Variants in ATL1 observed in about 807,000 individuals in gnomAD.
ATL1 encodes the protein atlastin-1.
ATL1 carries 31 observed loss-of-function variants against 75.5 expected under a neutral mutation model. That is an observed-to-expected ratio of 0.41 (90% CI 0.31 to 0.55). The LOEUF (loss-of-function observed/expected upper bound fraction) is 0.55, where lower values mean the gene tolerates loss of function less well. ATL1 is among the 20% of genes least tolerant of loss of function. The probability of loss-of-function intolerance (pLI) is 0.27; values close to 1 mark genes in which losing one functional copy is unlikely to be tolerated. For missense variants in ATL1, 405 were observed against 662.6 expected, an observed-to-expected ratio of 0.61 and a Z score of 4.27; for synonymous variants, 226 against 233.3, an observed-to-expected ratio of 0.97 and a Z score of 0.28.
At chr14:50,608,510 C>T (rs915433997) in intron 6 of ATL1, among the ~76,000 whole-genome samples, 1 of 151,984 alleles carries the variant, frequency 6.6e-6, no homozygotes, top group African/African-American at 2.4e-5. Context: ...TTTATCAGCA[C>T]ATCACTGGAT....
intron 1 of ATL1, among the ~76,000 whole-genome samples, chr14:50,539,021 T>G (rs2038528684): frequency 6.6e-6 from 1 of 152,202 alleles, no homozygotes; most frequent in African/African-American, 2.4e-5. Context: ...TATATTCTCT[T>G]TCTGTGCTTT....
At chr14:50,623,156 T>C (rs2039483918) in intron 10 of ATL1, 21 bp from the exon 11 acceptor site, 3 of 1,609,782 alleles carry the variant, frequency 1.9e-6, no homozygotes, top group Non-Finnish European at 2.5e-6. Flanking sequence ...TTTTACATCA[T>C]ATTTTGTACT....
Position 50,593,125 on chromosome 14 carries a change from T to C in ATL1, c.523-721T>C, listed in dbSNP as rs142065793. On this transcript the variant is annotated intron_variant, in intron 4 of 13. Coordinates refer to ENST00000358385, the MANE Select transcript of ATL1 (RefSeq NM_015915.5). Reference sequence around the variant, plus strand: ...CTTATACAAGCCTATTTAAACCAGATTGACTTTGCCTTATCAGTATTACTC... The same window carrying C: ...CTTATACAAGCCTATTTAAACCAGACTGACTTTGCCTTATCAGTATTACTC... Among the ~76,000 whole-genome samples, 314 of 151,924 alleles carry C rather than the reference T, an allele frequency of 2.1e-3. 1 individual carries two copies. The highest frequency in any genetic ancestry group is 3.6e-3 in the Non-Finnish European group (243 of 67,920).
rs185408710 is a variant in ATL1 at position 50,535,870 on chromosome 14, A to G, written c.-140+2503A>G. On this transcript the variant is annotated intron_variant, in intron 1 of 13. Transcript: ENST00000441560. ...CCACGTGTTGTGGGAGGGACCAGGT[A>G]GGAGGTAATGAATCATGAGGGCAAG... Among the ~76,000 whole-genome samples, 56 of 152,262 alleles carry G rather than the reference A, an allele frequency of 3.7e-4. No individual in the cohort carries two copies. In the East Asian group the frequency reaches 0.011, roughly 29 times the overall value.
In ATL1 at chr14:50,628,167, A is replaced by T. The variant is rs752641587; in HGVS notation, c.1256A>T (p.Gln419Leu). 1 of 1,614,236 alleles carries T rather than the reference A, an allele frequency of 6.2e-7. No homozygotes were observed. The change falls in exon 12 of 14, where the codon CAG becomes CTG. Residue 419 changes from glutamine (Q) to leucine (L), a missense_variant. Around this residue, in one of 5 missense-constraint regions of ATL1, gnomAD observed 163 missense variants for 244.1 expected, o/e 0.67. Coordinates refer to ENST00000358385, the MANE Select transcript of ATL1 (RefSeq NM_015915.5). ...GAAGAATTTAGCCGGCGTTACCTGC[A>T]GCAGTTGGAGAGTGAAATAGATGAA... Reference protein sequence around the residue: ...GGEEFSRRYLQQLESEIDELY... With the variant: ...GGEEFSRRYLLQLESEIDELY...
chr14:50,572,619 T>C (rs1351326632), intron 1 of ATL1, among the ~76,000 whole-genome samples: 2 of 152,080 alleles, frequency 1.3e-5, no homozygotes, highest in African/African-American at 4.8e-5. Context: ...TTATTATACT[T>C]TCTTTTGGTT....
chr14:50,555,518 A>G (rs892013965), upstream of ATL1, among the ~76,000 whole-genome samples: 4 of 152,198 alleles, frequency 2.6e-5, no homozygotes, highest in Admixed American at 1.3e-4. Flanking sequence ...TCCTGAGCTC[A>G]GGCAATCTGC....
Position 50,585,801 on chromosome 14 carries a change from G to C in ATL1, c.35-2030G>C, listed in dbSNP as rs576307312. Among the ~76,000 whole-genome samples, 74 of 152,240 alleles carry C rather than the reference G, an allele frequency of 4.9e-4. 2 individuals are homozygous for C. The South Asian group carries it at 0.014, about 29-fold the overall frequency. On this transcript the variant is annotated intron_variant, in intron 1 of 13. Transcript: ENST00000358385. ...CAAAGGCTCTCTGACTCCAGCACCT[G>C]TGAAATGGCAATATAGAAGCTATTA...
intron 6 of ATL1, among the ~76,000 whole-genome samples, chr14:50,600,951 GA>G (rs200088825): frequency 6.6e-6 from 1 of 151,588 alleles, no homozygotes; most frequent in African/African-American, 2.4e-5. Context: ...AAAAGTGAAA[GA>G]AAAAAAATCC....
rs988790370 is a variant in ATL1, at chr14:50,541,701, T to C, written c.-140+8334T>C. ...TGCAACCCCAGTAGGAGAATCCCAATGCAGACCCCTAGGATTTTGGTATAA... is the reference window on the plus strand; with the variant it reads ...TGCAACCCCAGTAGGAGAATCCCAACGCAGACCCCTAGGATTTTGGTATAA... On this transcript the variant is annotated intron_variant, in intron 1 of 13. Transcript: ENST00000441560. Among the ~76,000 whole-genome samples the C allele has an allele frequency of 3.9e-5, 6 of 152,146 alleles. No individual in the cohort carries two copies. The East Asian group carries it at 1.2e-3, about 29-fold the overall frequency.
chr14:50,587,811 G>A lies in ATL1; in HGVS notation c.35-20G>A, dbSNP rs1342373492. The A allele has an allele frequency of 5.0e-6, 8 of 1,614,130 alleles. No individual in the cohort carries two copies. Among genetic ancestry groups the A allele is most frequent in the East Asian group, 2.2e-5 (1 of 44,892 alleles). On this transcript the variant is annotated intron_variant, in intron 1 of 13. Transcript: ENST00000358385. ...CACTTTGAGATGATTAGCTGAACCAGTCACTGCTCTGTTCAACAGGTGGAT... is the reference window on the plus strand; with the variant it reads ...CACTTTGAGATGATTAGCTGAACCAATCACTGCTCTGTTCAACAGGTGGAT...
intron 6 of ATL1, among the ~76,000 whole-genome samples, chr14:50,604,631 A>G (rs2039300422): frequency 6.6e-6 from 1 of 152,094 alleles, no homozygotes; most frequent in Non-Finnish European, 1.5e-5. Context: ...GGTAAGAACT[A>G]TATCCAAACA....
chr14:50,548,011 GTC>G (rs1338661275), intron 1 of ATL1, among the ~76,000 whole-genome samples: 2 of 152,142 alleles, frequency 1.3e-5, no homozygotes, highest in Non-Finnish European at 2.9e-5. Flanking sequence ...TAACCTCAGA[GTC>G]TCTTGCAGAT....
At chr14:50,612,795 A>T (rs865886341) in intron 6 of ATL1, among the ~76,000 whole-genome samples, 2 of 152,092 alleles carry the variant, frequency 1.3e-5, no homozygotes, top group African/African-American at 4.8e-5. Flanking sequence ...GGACTCTGCT[A>T]TCTAGTTTGA....
In ATL1 at chr14:50,612,518, T is replaced by C. The variant is rs549297151; in HGVS notation, c.631-741T>C. On this transcript the variant is annotated intron_variant, in intron 6 of 13. Coordinates refer to ENST00000358385, the MANE Select transcript of ATL1 (RefSeq NM_015915.5). Reference sequence around the variant, plus strand: ...AGAACTTCTAATGGTAAAAAAATCATTTACTTGAAATTCAGCAGTATTTTA... The same window carrying C: ...AGAACTTCTAATGGTAAAAAAATCACTTACTTGAAATTCAGCAGTATTTTA... Among the ~76,000 whole-genome samples the C allele has an allele frequency of 5.9e-5, 9 of 152,308 alleles. No individual in the cohort carries two copies. In the South Asian group the frequency reaches 1.4e-3, roughly 25 times the overall value.
intron 1 of ATL1, among the ~76,000 whole-genome samples, chr14:50,570,146 C>CT (rs2038941128): frequency 6.6e-6 from 1 of 152,166 alleles, no homozygotes; most frequent in South Asian, 2.1e-4. Flanking sequence ...CTTTCTCTTT[C>CT]TTTTCTTCTT....
At chr14:50,626,424 G>A (rs2356455) in intron 11 of ATL1, among the ~76,000 whole-genome samples, 74,313 of 152,028 alleles carry the variant, frequency 0.49, 19,096 homozygotes, top group East Asian at 0.74. Flanking sequence ...TTCAGTGGAG[G>A]AAGGAAGTGC....
intron 9 of ATL1, among the ~76,000 whole-genome samples, chr14:50,621,239 T>C (rs2039464281): frequency 6.6e-6 from 1 of 152,238 alleles, no homozygotes; most frequent in Admixed American, 6.5e-5. Flanking sequence ...GAATACTTTT[T>C]ACCAACCCGT....
chr14:50,592,929 A>AT (rs1555364083), intron 4 of ATL1, among the ~76,000 whole-genome samples: 5,330 of 113,460 alleles, frequency 0.047, 132 homozygotes, highest in East Asian at 0.065. Context: ...AAAAAAAAAA[A>AT]ATATATATAT....
Sources: allele counts gnomAD v4.1 joint callset (sites outside exome capture counted in the v4.1 genomes callset), GRCh38; gene constraint gnomAD v4.1.1; regional missense constraint gnomAD v4.1.1; transcripts MANE v1.5; gene names NCBI Gene and HGNC (gene_info 2026-07-23, HGNC 2026-07-21).